The following BMP7 variants were observed in gnomAD, a reference collection of about 807,000 sequenced individuals.
BMP7 encodes osteogenic protein 1.
In BMP7, 12 loss-of-function variants were observed where a neutral mutation model predicts 41.2. The observed-to-expected ratio is 0.29, with a 90% CI of 0.19 to 0.47. The LOEUF is 0.47. BMP7 is among the 20% of genes least tolerant of loss of function. The pLI, the probability that BMP7 is intolerant of heterozygous loss-of-function variation, is 0.99. For missense variants in BMP7, 467 were observed against 606.0 expected, an observed-to-expected ratio of 0.77 and a Z score of 2.41; for synonymous variants, 248 against 250.0, an observed-to-expected ratio of 0.99 and a Z score of 0.07.
At chr20:57,254,657 A>T (rs976354090) in intron 1 of BMP7, among the ~76,000 whole-genome samples, 4 of 151,936 alleles carry the variant, frequency 2.6e-5, no homozygotes, top group Admixed American at 1.3e-4. Flanking sequence ...TAAAAAAAAA[A>T]AAACAAAAAA....
At chr20:57,199,327 CAG>C (rs1415878361) in intron 3 of BMP7, among the ~76,000 whole-genome samples, 2 of 152,184 alleles carry the variant, frequency 1.3e-5, no homozygotes, top group African/African-American at 4.8e-5. Context: ...ACGACTTTGC[CAG>C]AGTGTTGTCA....
At chr20:57,187,534 G>T (rs1004173687) in intron 3 of BMP7, among the ~76,000 whole-genome samples, 8 of 149,256 alleles carry the variant, frequency 5.4e-5, no homozygotes, top group Non-Finnish European at 1.0e-4. Flanking sequence ...TCCCACTCTA[G>T]TGTCCAGAAG....
Position 57,261,345 on chromosome 20 carries a change from C to G in BMP7, c.418+4360G>C, listed in dbSNP as rs532680709. ...TGCAAGTGGGCCATCTCTGTTACCC[C>G]TTCCATGGGGACCGCTCCACAACCG... is the stretch of plus-strand genomic sequence containing the variant. On this transcript the variant is annotated intron_variant, in intron 1 of 6. Coordinates refer to ENST00000395863, the MANE Select transcript of BMP7 (RefSeq NM_001719.3). This position sits in a 1 kb window ranked among gnomAD's most constrained non-coding sequence, Gnocchi z 4.1. Among the ~76,000 whole-genome samples the G allele has an allele frequency of 1.1e-4, 17 of 152,282 alleles. No individual in the cohort carries two copies. Among genetic ancestry groups the G allele is most frequent in the Non-Finnish European group, 2.1e-4 (14 of 68,028 alleles).
At chr20:57,177,760 G>T (rs1170734942) in intron 4 of BMP7, 1 of 152,254 alleles carries the variant, frequency 6.6e-6, no homozygotes. Context: ...AGACACTTGA[G>T]ACTTTCGGTG....
chr20:57,253,559 T>C (rs1393614058), intron 1 of BMP7, among the ~76,000 whole-genome samples: 1 of 152,108 alleles, frequency 6.6e-6, no homozygotes, highest in African/African-American at 2.4e-5. Flanking sequence ...AATGGGTCCG[T>C]AGATTGATTC....
In BMP7 at chr20:57,261,415, G is replaced by C. The variant is rs2066153482; in HGVS notation, c.418+4290C>G. 6.6e-6 allele frequency among the ~76,000 whole-genome samples: 1 copy of C among 152,164 alleles called. No individual in the cohort carries two copies. The highest frequency in any genetic ancestry group is 6.5e-5 in the Admixed American group (1 of 15,276). On this transcript the variant is annotated intron_variant, in intron 1 of 6. Transcript: ENST00000395863. This position sits in a 1 kb window ranked among gnomAD's most constrained non-coding sequence, Gnocchi z 4.1. ...AAACCAAAAACAGCCACCCAAGTTGGCATCCAGGGCTCAGCCTTACCCTGC... is the reference window on the plus strand; with the variant it reads ...AAACCAAAAACAGCCACCCAAGTTGCCATCCAGGGCTCAGCCTTACCCTGC...
intron 2 of BMP7, among the ~76,000 whole-genome samples, chr20:57,217,334 G>A (rs1007235210): frequency 6.6e-6 from 1 of 152,166 alleles, no homozygotes; most frequent in East Asian, 1.9e-4. Flanking sequence ...TAGGCCCTGG[G>A]GAAGAGTTAG....
In BMP7 at chr20:57,194,014, C is replaced by T. The variant is rs561222541; in HGVS notation, c.760+8461G>A. Among the ~76,000 whole-genome samples the T allele has an allele frequency of 6.6e-5, 10 of 152,340 alleles. No homozygotes were observed. The South Asian group carries it at 1.9e-3, about 28-fold the overall frequency. Reference sequence around the variant, plus strand: ...CCCCTCGTGCCTGACCTTCCTCCGTCCATGAACGCTGCACATTAGACCCTT... The same window carrying T: ...CCCCTCGTGCCTGACCTTCCTCCGTTCATGAACGCTGCACATTAGACCCTT... On this transcript the variant is annotated intron_variant, in intron 3 of 6. Transcript: ENST00000395863.
chr20:57,222,184 A>G (rs1985205115), intron 2 of BMP7, among the ~76,000 whole-genome samples: 1 of 152,296 alleles, frequency 6.6e-6, no homozygotes, highest in South Asian at 2.1e-4. Flanking sequence ...CGCCCGCCGC[A>G]AACACTCAGC....
In BMP7 at chr20:57,266,021, G is replaced by T. The variant is rs763868573; in HGVS notation, c.102C>A (p.Asp34Glu). Reference sequence around the variant, plus strand: ...GGATGAAGCTCGAGTGCACCTCGTTGTCCAGGCTGAAGTCGGCCAGGGCGG... The same window carrying T: ...GGATGAAGCTCGAGTGCACCTCGTTTTCCAGGCTGAAGTCGGCCAGGGCGG... Reference protein sequence around the residue: ...LRSALADFSLDNEVHSSFIHR... With the variant: ...LRSALADFSLENEVHSSFIHR... Residue 34 changes from aspartate to glutamate, a missense_variant, in exon 1 of 7, where the codon GAC (aspartate) becomes GAA (glutamate). This residue lies in a region of BMP7 where 407 missense variants were observed against 485.9 expected (regional missense o/e 0.84). Coordinates refer to ENST00000395863, the MANE Select transcript of BMP7 (RefSeq NM_001719.3). 52 of 1,548,072 alleles carry T rather than the reference G, an allele frequency of 3.4e-5. No homozygotes were observed. Among genetic ancestry groups the T allele is most frequent in the Middle Eastern group, 3.3e-4 (2 of 6,010 alleles).
chr20:57,229,776 G>A (rs1355017331), intron 1 of BMP7, among the ~76,000 whole-genome samples: 1 of 152,242 alleles, frequency 6.6e-6, no homozygotes, highest in South Asian at 2.1e-4. Context: ...CTCTCAGGCT[G>A]GGTTATGGCT....
intron 1 of BMP7, among the ~76,000 whole-genome samples, chr20:57,251,646 G>A (rs546633067): frequency 6.6e-6 from 1 of 152,256 alleles, no homozygotes; most frequent in Admixed American, 6.5e-5. Context: ...AAAAACTCAG[G>A]CTTTTGGCCG....
At chr20:57,178,433 G>C (rs1029534857) in intron 4 of BMP7, among the ~76,000 whole-genome samples, 3 of 152,084 alleles carry the variant, frequency 2.0e-5, no homozygotes, top group African/African-American at 4.8e-5. Context: ...GAGGCCCCTG[G>C]TCCCCACCCT....
chr20:57,222,255 C>A (rs2123111385), intron 2 of BMP7, among the ~76,000 whole-genome samples: 1 of 152,232 alleles, frequency 6.6e-6, no homozygotes, highest in East Asian at 1.9e-4. Flanking sequence ...TGAAGCCAGG[C>A]TCGGGATGAA....
chr20:57,197,354 G>C (rs1984516613), intron 3 of BMP7, among the ~76,000 whole-genome samples: 1 of 152,132 alleles, frequency 6.6e-6, no homozygotes, highest in Admixed American at 6.5e-5. Context: ...CAGGTGAAAA[G>C]CCAGGTAAGA....
At chr20:57,198,394 C>T (rs230192) in intron 3 of BMP7, among the ~76,000 whole-genome samples, 29 of 152,312 alleles carry the variant, frequency 1.9e-4, no homozygotes, top group African/African-American at 6.7e-4. Flanking sequence ...GAGGCTGCCT[C>T]TCCTCTCTTC....
At chr20:57,253,817 A>T (rs771239811) in intron 1 of BMP7, among the ~76,000 whole-genome samples, 17 of 152,132 alleles carry the variant, frequency 1.1e-4, no homozygotes, top group Non-Finnish European at 2.2e-4. Context: ...ATACTTGAGT[A>T]CCCTTCACCC....
At chr20:57,188,304 G>A (rs11699503) in intron 3 of BMP7, among the ~76,000 whole-genome samples, 48,913 of 152,020 alleles carry the variant, frequency 0.32, 8,153 homozygotes, top group South Asian at 0.43. Context: ...GATACAACAC[G>A]GACAAACCTT....
chr20:57,184,038 G>A (rs1984153858), intron 3 of BMP7, 119 bp from the exon 4 acceptor site: 1 of 1,200,222 alleles, frequency 8.3e-7, no homozygotes, highest in South Asian at 1.3e-5. Flanking sequence ...CCTCCATCCA[G>A]TAAGTATTTA....
Sources: gnomAD v4.1 joint callset for allele counts (sites outside exome capture counted in the v4.1 genomes callset) on GRCh38, gnomAD v4.1.1 for gene constraint, gnomAD v4.1.1 regional missense constraint, Gnocchi (gnomAD v3.1) non-coding constraint, MANE v1.5 for transcripts, NCBI Gene and HGNC (gene_info 2026-07-23, HGNC 2026-07-21) for gene names.